Variants in HP observed in about 807,000 individuals in gnomAD.
HP encodes the protein haptoglobin alpha(1S)-beta.
Under a neutral mutation model 23.2 loss-of-function variants are expected in HP, and 9 were observed. The ratio of observed to expected loss-of-function variants is 0.39; its 90% CI spans 0.23 to 0.68. The LOEUF (loss-of-function observed/expected upper bound fraction) is 0.68, where lower values mean the gene tolerates loss of function less well. HP is among the 30% of genes least tolerant of loss of function. The pLI, the probability that HP is intolerant of heterozygous loss-of-function variation, is 0.47. For synonymous variants in HP, 155 were observed against 183.3 expected (o/e 0.85, Z 1.25); for missense variants, 433 against 483.6 (o/e 0.90, Z 0.98).
intron 6 of HP, 138 bp downstream of exon 6, chr16:72,059,326 A>G: frequency 1.6e-6 from 2 of 1,231,420 alleles, no homozygotes; most frequent in Non-Finnish European, 1.2e-6. Flanking sequence ...GGCCAGGGAG[A>G]GACTTAAGCA....
chr16:72,060,012 A>G, intron 6 of HP, 100 bp from the exon 7 acceptor site: 2 of 1,565,036 alleles, frequency 1.3e-6, no homozygotes, highest in Admixed American at 1.8e-5. Flanking sequence ...AAATCTTTCT[A>G]CTTTACGCAG....
At position 72,058,067 on chromosome 16, in the gene HP, A is replaced by G. The variant is rs2041484513; in HGVS notation, c.266-187A>G. 7 of 780,024 alleles carry G rather than the reference A, an allele frequency of 9.0e-6. 2 individuals are homozygous for G. The highest frequency in any genetic ancestry group is 6.3e-5 in the Admixed American group (2 of 31,666). The allele number at this position is 780,024 out of a possible 1,614,324, so 48.3% of individuals were successfully genotyped here. A position where few individuals can be genotyped will look rare whatever the true frequency, so the allele number is the denominator to read the frequency against. On this transcript the variant is annotated intron_variant, in intron 4 of 6. Coordinates refer to ENST00000355906, the MANE Select transcript of HP (RefSeq NM_005143.5). Reference sequence around the variant, plus strand: ...AATTATTGTAGCCCCTAGCCCTTTCAATGAATTTCAGGGAATTGTGGAAAT... The same window carrying G: ...AATTATTGTAGCCCCTAGCCCTTTCGATGAATTTCAGGGAATTGTGGAAAT...
rs1456805186 is a variant in HP at position 72,056,227 on chromosome 16, T to C, written c.72T>C (p.Asp24=). Reference sequence around the variant, plus strand: ...TTTTTGCAGTGGACTCAGGCAATGATGTCACGGATATCGCAGGTCAGTCTT... The same window carrying C: ...TTTTTGCAGTGGACTCAGGCAATGACGTCACGGATATCGCAGGTCAGTCTT... The part of the protein sequence containing the change: ...GQLFAVDSGN[D]VTDIADDGCP... The change falls in exon 2 of 7, where the codon GAT becomes GAC. Residue 24 remains aspartate (D), a synonymous_variant. Transcript: ENST00000355906. 1 of 1,614,076 alleles carries C rather than the reference T, an allele frequency of 6.2e-7. No individual in the cohort carries two copies. Among genetic ancestry groups the C allele is most frequent in the African/African-American group, 1.3e-5 (1 of 75,038 alleles).
In HP at chr16:72,059,063, G is replaced by C. The variant is rs369153429; in HGVS notation, c.368-51G>C. 1.9e-5 allele frequency: 29 copies of C among 1,502,868 alleles called. 8 individuals carry two copies. The African/African-American group carries it at 4.2e-4, about 22-fold the overall frequency. The allele number at this position is 1,502,868 out of a possible 1,614,324, so 93.1% of individuals were successfully genotyped here. ...CTTTAAATGCCTTCTCACTCTGCACGGGGTCTAGACTTGACTTCTCCTTTG... is the reference window on the plus strand; with the variant it reads ...CTTTAAATGCCTTCTCACTCTGCACCGGGTCTAGACTTGACTTCTCCTTTG... On this transcript the variant is annotated intron_variant, in intron 5 of 6. Transcript: ENST00000355906.
chr16:72,059,236 G>C, intron 6 of HP, 48 bp downstream of exon 6: 1 of 1,560,750 alleles, frequency 6.4e-7, no homozygotes, highest in Non-Finnish European at 8.7e-7. Flanking sequence ...AGCGGGGAAC[G>C]TCCTAGAGGC....
In HP at chr16:72,059,135, A is replaced by G. The variant is rs11550482; in HGVS notation, c.389A>G (p.Glu130Gly). Reference protein sequence around the residue: ...EGDGVYTLNNEKQWINKAVGD... With the variant: ...EGDGVYTLNNGKQWINKAVGD... ...TCAGGAGTGTACACCTTAAACAATG[A>G]GAAGCAGTGGATAAATAAGGCTGTT... The change falls in exon 6 of 7, where the codon GAG (glutamate) becomes GGG (glycine). Residue 130 changes from glutamate to glycine, a missense_variant. By Grantham distance (98) the Glu-to-Gly change is moderately conservative. Around this residue, in one of 3 missense-constraint regions of HP, gnomAD observed 326 missense variants for 358.1 expected, o/e 0.91. Coordinates refer to ENST00000355906, the MANE Select transcript of HP (RefSeq NM_005143.5). The G allele has an allele frequency of 3.2e-6, 5 of 1,565,628 alleles. 1 individual carries two copies. Among genetic ancestry groups the G allele is most frequent in the Non-Finnish European group, 1.7e-6 (2 of 1,149,104 alleles).
chr16:72,060,658 T>A lies in HP; in HGVS notation c.989T>A (p.Val330Glu). Reference protein sequence around the residue: ...EKKTPKSPVGVQPILNEHTFC... With the variant: ...EKKTPKSPVGEQPILNEHTFC... The stretch of plus-strand genomic sequence containing the variant: ...AAGACACCGAAGAGCCCTGTAGGGG[T>A]GCAGCCCATACTGAATGAACACACC... Residue 330 changes from valine (V) to glutamate (E), a missense_variant, in exon 7 of 7, where the codon GTG (valine) becomes GAG (glutamate). Around this residue, in one of 3 missense-constraint regions of HP, gnomAD observed 326 missense variants for 358.1 expected, o/e 0.91. Transcript: ENST00000355906. 6.2e-7 allele frequency: 1 copy of A among 1,614,046 alleles called. No homozygotes were observed. The highest frequency in any genetic ancestry group is 8.5e-7 in the Non-Finnish European group (1 of 1,179,992).
Position 72,060,737 on chromosome 16 carries a change from C to A in HP, c.1068C>A (p.Gly356=). The A allele has an allele frequency of 6.2e-7, 1 of 1,614,170 alleles. No individual in the cohort carries two copies. Among genetic ancestry groups the A allele is most frequent in the Non-Finnish European group, 8.5e-7 (1 of 1,180,034 alleles). Residue 356 remains glycine (G), a synonymous_variant, in exon 7 of 7, where the codon GGC becomes GGA. Transcript: ENST00000355906. ...AAGACACCTGCTATGGCGATGCGGG[C>A]AGTGCCTTTGCCGTTCACGACCTGG... ...YQEDTCYGDA[G]SAFAVHDLEE...
At chr16:72,057,745 T>C in intron 4 of HP, 1 of 434,194 alleles carries the variant, frequency 2.3e-6, no homozygotes. Flanking sequence ...GAGAGCCTGC[T>C]AGAAAGCCCT....
rs2515705 is a variant in HP at position 72,057,103 on chromosome 16, A to G, written c.191-289A>G. 1.5e-4 allele frequency: 71 copies of G among 486,550 alleles called. 7 individuals are homozygous for G. The highest frequency in any genetic ancestry group is 3.2e-4 in the South Asian group (15 of 47,524). 30.1% of individuals were successfully genotyped at this position (486,550 alleles called of 1,614,324 possible). On this transcript the variant is annotated intron_variant, in intron 3 of 6. Coordinates refer to ENST00000355906, the MANE Select transcript of HP (RefSeq NM_005143.5). ...TTGAGTATCTTGCCCAAATTCAGGC[A>G]GCCTGTAAGAGGCAGAGTCAGGATT...
At position 72,057,349 on chromosome 16, in the gene HP, G is replaced by A. The variant is rs1181804423; in HGVS notation, c.191-43G>A. On this transcript the variant is annotated intron_variant, in intron 3 of 6. Transcript: ENST00000355906. ...GCCTTCTCACTCTGCTCTGGGTGCAGACTTGACTTTTCCTTTGGCTCATTT... is the reference window on the plus strand; with the variant it reads ...GCCTTCTCACTCTGCTCTGGGTGCAAACTTGACTTTTCCTTTGGCTCATTT... 11 of 646,046 alleles carry A rather than the reference G, an allele frequency of 1.7e-5. 2 individuals carry two copies. The Admixed American group carries it at 2.9e-4, about 17-fold the overall frequency. 40.0% of individuals were successfully genotyped at this position (646,046 alleles called of 1,614,324 possible).
At position 72,060,730 on chromosome 16, in the gene HP, A is replaced by AT; in HGVS notation, c.1062dup (p.Ala355CysfsTer24). 6.2e-7 allele frequency: 1 copy of AT among 1,614,168 alleles called. No homozygotes were observed. ...TACCAAGAAGACACCTGCTATGGCG[A>AT]TGCGGGCAGTGCCTTTGCCGTTCAC... On this transcript the variant is annotated frameshift_variant, in exon 7 of 7. Coordinates refer to ENST00000355906, the MANE Select transcript of HP (RefSeq NM_005143.5). LOFTEE classifies it high-confidence loss of function.
chr16:72,057,210 G>A lies in HP; in HGVS notation c.191-182G>A, dbSNP rs1430444649. 8 of 755,572 alleles carry A rather than the reference G, an allele frequency of 1.1e-5. 1 individual carries two copies. The highest frequency in any genetic ancestry group is 1.8e-5 in the Non-Finnish European group (8 of 452,816). The allele number at this position is 755,572 out of a possible 1,614,324, so 46.8% of individuals were successfully genotyped here. ...TCTGCTGGGCTTAACTGGTGTCCAG[G>A]CACTTGGCTTCCAGCACAGCACTCT... On this transcript the variant is annotated intron_variant, in intron 3 of 6. Transcript: ENST00000355906.
rs2041479960 is a variant in HP, at chr16:72,057,680, A to G, written c.265+214A>G. 6.8e-6 allele frequency: 4 copies of G among 589,860 alleles called. 1 individual carries two copies. The highest frequency in any genetic ancestry group is 1.1e-5 in the Non-Finnish European group (4 of 353,934). 36.5% of individuals were successfully genotyped at this position (589,860 alleles called of 1,614,324 possible). A position where few individuals can be genotyped will look rare whatever the true frequency, so the allele number is the denominator to read the frequency against. Reference sequence around the variant, plus strand: ...TCTTGTTCATTGGGGCCTGAAGGGCACTGGCTGAATCCACTGTCGGCACTG... The same window carrying G: ...TCTTGTTCATTGGGGCCTGAAGGGCGCTGGCTGAATCCACTGTCGGCACTG... On this transcript the variant is annotated intron_variant, in intron 4 of 6. Transcript: ENST00000355906.
intron 1 of HP, 183 bp from the exon 2 acceptor site, chr16:72,055,978 G>A: frequency 1.8e-6 from 2 of 1,088,132 alleles, no homozygotes; most frequent in South Asian, 1.3e-5. Flanking sequence ...GGGCAGGTGT[G>A]GGGGCAATTT....
At position 72,054,640 on chromosome 16, in the gene HP, A is replaced by G. The variant is rs1308499655; in HGVS notation, c.-13A>G. The G allele has an allele frequency of 6.2e-7, 1 of 1,611,334 alleles. No homozygotes were observed. Among genetic ancestry groups the G allele is most frequent in the South Asian group, 1.1e-5 (1 of 90,618 alleles). ...CCCACAGCACTGCTCTTCCAGAGGC[A>G]AGACCAACCAAGATGAGGTGGGTCC... On this transcript the variant is annotated 5_prime_UTR_variant, in exon 1 of 7. Transcript: ENST00000355906.
intron 5 of HP, chr16:72,058,723 C>T: frequency 2.1e-5 from 7 of 328,078 alleles, no homozygotes; most frequent in South Asian, 1.9e-4. Flanking sequence ...CTTATTTGCT[C>T]ACTTAGTCCT....
chr16:72,060,820 C>T lies in HP; in HGVS notation c.1151C>T (p.Ala384Val). 1 of 1,613,500 alleles carries T rather than the reference C, an allele frequency of 6.2e-7. No individual in the cohort carries two copies. The highest frequency in any genetic ancestry group is 8.5e-7 in the Non-Finnish European group (1 of 1,179,654). ...ILSFDKSCAV[A>V]EYGVYVKVTS... The stretch of plus-strand genomic sequence containing the variant: ...AGCTTTGATAAGAGCTGTGCTGTGG[C>T]TGAGTATGGTGTGTATGTGAAGGTG... Residue 384 changes from alanine to valine, a missense_variant, in exon 7 of 7, where the codon GCT (alanine) becomes GTT (valine). Transcript: ENST00000355906.
chr16:72,060,477 A>G lies in HP; in HGVS notation c.808A>G (p.Lys270Glu), dbSNP rs1338648160. The G allele has an allele frequency of 6.2e-7, 1 of 1,614,010 alleles. No individual in the cohort carries two copies. Among genetic ancestry groups the G allele is most frequent in the African/African-American group, 1.3e-5 (1 of 74,908 alleles). The change falls in exon 7 of 7, where the codon AAG becomes GAG. Residue 270 changes from lysine (K) to glutamate (E), a missense_variant. By Grantham distance (56) the Lys-to-Glu change is moderately conservative. This residue lies in a region of HP where 326 missense variants were observed against 358.1 expected (regional missense o/e 0.91). Transcript: ENST00000355906. ...ERVMPICLPS[K>E]DYAEVGRVGY... ...AGTGATGCCCATCTGCCTACCTTCA[A>G]AGGATTATGCAGAAGTAGGGCGTGT...
Sources: allele counts gnomAD v4.1 joint callset, GRCh38; gene constraint gnomAD v4.1.1; regional missense constraint gnomAD v4.1.1; transcripts MANE v1.5; gene names NCBI Gene and HGNC (gene_info 2026-07-23, HGNC 2026-07-21).